Variants in SLC36A1 observed in about 807,000 individuals in gnomAD.
SLC36A1 encodes the protein solute carrier family 36 member 1.
In SLC36A1, 30 loss-of-function variants were observed where a neutral mutation model predicts 47.5. The ratio of observed to expected loss-of-function variants is 0.63; its 90% confidence interval spans 0.47 to 0.86. SLC36A1 has a LOEUF of 0.86. Ranked by LOEUF, SLC36A1 falls within the 40% of genes least tolerant of loss-of-function variation. SLC36A1 has a pLI of 0.00. For missense variants in SLC36A1, 517 were observed against 606.0 expected (o/e 0.85, Z 1.54); for synonymous variants, 255 against 249.7 (o/e 1.02, Z -0.20).
the SLC36A1 span, among the ~76,000 whole-genome samples, chr5:151,515,621 A>G: frequency 1.1e-4 from 17 of 152,186 alleles, no homozygotes; most frequent in South Asian, 3.3e-3. Flanking sequence ...AAATCTCACT[A>G]CTTGCCTTCT....
At chr5:151,346,502 A>G in the SLC36A1 span, among the ~76,000 whole-genome samples, 9 of 152,228 alleles carry the variant, frequency 5.9e-5, no homozygotes, top group African/African-American at 2.2e-4. Context: ...GAGAAGGAGC[A>G]GAGAAACCAC....
the SLC36A1 span, among the ~76,000 whole-genome samples, chr5:151,501,768 G>A: frequency 4.7e-5 from 7 of 148,366 alleles, 1 homozygote; most frequent in African/African-American, 8.0e-5. Flanking sequence ...ACAATGGAGC[G>A]AACAGCCTTT....
At chr5:151,446,393 G>A (rs1035402548), upstream of SLC36A1, among the ~76,000 whole-genome samples, 2 of 152,068 alleles carry the variant, frequency 1.3e-5, no homozygotes, top group African/African-American at 4.8e-5. Context: ...AGTCGCGCGT[G>A]GTGGCACGTG....
chr5:151,413,292 A>G, the SLC36A1 span, among the ~76,000 whole-genome samples: 1 of 151,760 alleles, frequency 6.6e-6, no homozygotes, highest in African/African-American at 2.4e-5. Flanking sequence ...AAGCAAATAT[A>G]AAATATAAAG....
the SLC36A1 span, among the ~76,000 whole-genome samples, chr5:151,428,081 T>TGGC: frequency 6.6e-6 from 1 of 152,182 alleles, no homozygotes; most frequent in Non-Finnish European, 1.5e-5. Flanking sequence ...GTGGAGGTGG[T>TGGC]GGCTCTCCCT....
the SLC36A1 span, among the ~76,000 whole-genome samples, chr5:151,539,916 T>C: frequency 6.6e-6 from 1 of 152,208 alleles, no homozygotes; most frequent in South Asian, 2.1e-4. Context: ...TTTGTGTCTC[T>C]GTACAAGTGA....
chr5:151,511,934 TC>T, the SLC36A1 span: 3 of 560,616 alleles, frequency 5.4e-6, no homozygotes, highest in Non-Finnish European at 9.6e-6. Context: ...CCCATTCATA[TC>T]CTCCCTCATC....
At chr5:151,362,306 C>G in the SLC36A1 span, among the ~76,000 whole-genome samples, 1 of 150,944 alleles carries the variant, frequency 6.6e-6, no homozygotes, top group Non-Finnish European at 1.5e-5. Flanking sequence ...CTCACTGTTT[C>G]TATATAGTAT....
chr5:151,420,478 A>G, the SLC36A1 span, among the ~76,000 whole-genome samples: 1 of 152,140 alleles, frequency 6.6e-6, no homozygotes, highest in South Asian at 2.1e-4. Flanking sequence ...GACCATGCAC[A>G]CTGCTGGTCT....
chr5:151,436,887 G>A (rs1759801854), upstream of SLC36A1, among the ~76,000 whole-genome samples: 1 of 152,146 alleles, frequency 6.6e-6, no homozygotes, highest in South Asian at 2.1e-4. Flanking sequence ...TAAGTGGCAG[G>A]GCTGGTCTCA....
At chr5:151,418,456 C>T in the SLC36A1 span, among the ~76,000 whole-genome samples, 4 of 152,232 alleles carry the variant, frequency 2.6e-5, no homozygotes, top group Non-Finnish European at 2.9e-5. Context: ...TAGGAACCTA[C>T]CACTTGCATC....
the SLC36A1 span, among the ~76,000 whole-genome samples, chr5:151,352,023 A>G: frequency 2.0e-5 from 3 of 152,164 alleles, no homozygotes; most frequent in African/African-American, 7.2e-5. Flanking sequence ...CTCCAGTCAC[A>G]TGGACCTTTT....
rs538635944 is a variant in SLC36A1, at chr5:151,447,624, GGCA to G, written c.-191_-189del. The G allele has an allele frequency of 6.4e-3, 979 of 152,742 alleles. 8 individuals carry two copies. Among genetic ancestry groups the G allele is most frequent in the South Asian group, 0.023 (109 of 4,834 alleles). 9.5% of individuals were successfully genotyped at this position (152,742 alleles called of 1,614,324 possible). A position where few individuals can be genotyped will look rare whatever the true frequency, so the allele number is the denominator to read the frequency against. ...TGATGAGGTCCGGAAGCGGCTGCCG[GGCA>G]GCAAAGGAGGATGGCGAGGGGCTGA... On this transcript the variant is annotated 5_prime_UTR_variant, in exon 1 of 11. Coordinates refer to ENST00000243389, the MANE Select transcript of SLC36A1 (RefSeq NM_078483.4).
chr5:151,401,972 C>A, the SLC36A1 span, among the ~76,000 whole-genome samples: 1 of 152,080 alleles, frequency 6.6e-6, no homozygotes, highest in African/African-American at 2.4e-5. Flanking sequence ...TATTTGGATG[C>A]CTTTTATTTC....
chr5:151,462,764 G>C (rs1281181916), intron 2 of SLC36A1, among the ~76,000 whole-genome samples: 1 of 151,328 alleles, frequency 6.6e-6, no homozygotes, highest in Admixed American at 6.6e-5. Context: ...TTCTGTTACA[G>C]GGTTTGGGGC....
the SLC36A1 span, chr5:151,529,440 A>C: frequency 1.2e-5 from 18 of 1,547,882 alleles, no homozygotes; most frequent in East Asian, 3.8e-4. Flanking sequence ...TGGGCCCTCA[A>C]AGGCGCAGGA....
At chr5:151,443,863 C>G (rs1752771127), upstream of SLC36A1, among the ~76,000 whole-genome samples, 1 of 152,108 alleles carries the variant, frequency 6.6e-6, no homozygotes, top group Non-Finnish European at 1.5e-5. Context: ...AGATAAACAT[C>G]CAATTTCATT....
chr5:151,487,943 C>T (rs182253423), intron 10 of SLC36A1, 40 bp from the exon 11 acceptor site: 1 of 1,609,006 alleles, frequency 6.2e-7, no homozygotes, highest in African/African-American at 1.3e-5. Flanking sequence ...CCTTTCCCAG[C>T]TCTGGGCATC....
chr5:151,385,039 A>ATGTGTGTGT, the SLC36A1 span, among the ~76,000 whole-genome samples: 1 of 99,306 alleles, frequency 1.0e-5, no homozygotes, highest in African/African-American at 4.3e-5. Flanking sequence ...TGTGTGTGTG[A>ATGTGTGTGT]GAGAGAGAGA....
Sources: allele counts gnomAD v4.1 joint callset (sites outside exome capture counted in the v4.1 genomes callset), GRCh38; gene constraint gnomAD v4.1.1; transcripts MANE v1.5; gene names NCBI Gene and HGNC (gene_info 2026-07-23, HGNC 2026-07-21).